ATE1: variants seen among roughly 807,000 people sequenced by gnomAD.
ATE1 encodes arginyl-tRNA--protein transferase 1.
In ATE1, 36 loss-of-function variants were observed where a neutral mutation model predicts 70.5. The observed-to-expected ratio is 0.51, with a 90% CI of 0.39 to 0.67. The LOEUF (loss-of-function observed/expected upper bound fraction) is 0.67. Among genes scored for constraint, ATE1 ranks in the 30% least tolerant of loss-of-function variants. ATE1 has a pLI of 0.00. For synonymous variants in ATE1, 232 were observed against 219.3 expected (o/e 1.06, Z -0.51); for missense variants, 593 against 629.5 (o/e 0.94, Z 0.62).
chr10:121,885,956 T>C (rs2134154504), intron 7 of ATE1, among the ~76,000 whole-genome samples: 1 of 152,150 alleles, frequency 6.6e-6, no homozygotes, highest in East Asian at 1.9e-4. Context: ...GTTCGGATCT[T>C]ACTATCATTC....
rs554736028 is a variant in ATE1, at chr10:121,913,984, C to T, written c.234-91G>A. On this transcript the variant is annotated intron_variant, in intron 3 of 11. Transcript: ENST00000224652. ...ATATCACCTAGTACAATGAGACCAT[C>T]TCATGCCTGAGATTTCTGGTTAAAG... 6 of 916,066 alleles carry T rather than the reference C, an allele frequency of 6.5e-6. No homozygotes were observed. The South Asian group carries it at 1.1e-4, about 17-fold the overall frequency. 56.7% of individuals were successfully genotyped at this position (916,066 alleles called of 1,614,324 possible).
intron 10 of ATE1, among the ~76,000 whole-genome samples, chr10:121,808,254 T>C (rs996591799): frequency 6.6e-6 from 1 of 152,238 alleles, no homozygotes; most frequent in Non-Finnish European, 1.5e-5. Context: ...GGGTTTGATC[T>C]GTGACAAAGA....
intron 11 of ATE1, among the ~76,000 whole-genome samples, chr10:121,767,696 T>G (rs1304755330): frequency 6.6e-6 from 1 of 152,100 alleles, no homozygotes; most frequent in Non-Finnish European, 1.5e-5. Context: ...TTTAGGGAAA[T>G]GTACATCAAA....
intron 5 of ATE1, among the ~76,000 whole-genome samples, chr10:121,906,223 A>C (rs1221592858): frequency 3.3e-5 from 5 of 151,952 alleles, no homozygotes; most frequent in African/African-American, 1.2e-4. Context: ...GCAAGACCTC[A>C]TCTCTACAAA....
chr10:121,858,893 C>T (rs11200196), intron 8 of ATE1, among the ~76,000 whole-genome samples: 47,002 of 151,294 alleles, frequency 0.31, 7,616 homozygotes, highest in South Asian at 0.43. Flanking sequence ...GTCGGGAGTT[C>T]GAGACCAGCC....
intron 10 of ATE1, among the ~76,000 whole-genome samples, chr10:121,828,191 A>AAGAGTTT (rs1948100475): frequency 6.6e-6 from 1 of 152,232 alleles, no homozygotes; most frequent in Non-Finnish European, 1.5e-5. Context: ...CTCTTACATT[A>AAGAGTTT]CACCATCAGA....
intron 3 of ATE1, among the ~76,000 whole-genome samples, chr10:121,914,810 A>G (rs997147121): frequency 2.6e-5 from 4 of 152,220 alleles, no homozygotes; most frequent in African/African-American, 9.6e-5. Context: ...AACGGCTTAA[A>G]TAAAAGTGTA....
intron 11 of ATE1, among the ~76,000 whole-genome samples, chr10:121,757,144 CT>C (rs1944840022): frequency 6.6e-6 from 1 of 152,210 alleles, no homozygotes; most frequent in Non-Finnish European, 1.5e-5. Context: ...TTCCACAAAT[CT>C]CTAGGGCAGG....
At chr10:121,787,873 A>G (rs1946276257) in intron 11 of ATE1, among the ~76,000 whole-genome samples, 1 of 152,210 alleles carries the variant, frequency 6.6e-6, no homozygotes, top group Admixed American at 6.5e-5. Flanking sequence ...CACCTTCTCA[A>G]CTTTATAAAA....
chr10:121,779,132 C>T (rs1001867388), intron 11 of ATE1, among the ~76,000 whole-genome samples: 1 of 152,146 alleles, frequency 6.6e-6, no homozygotes, highest in African/African-American at 2.4e-5. Flanking sequence ...ATTCTTTGAC[C>T]TTTCTATGTC....
chr10:121,887,057 T>C (rs1447248938), intron 7 of ATE1, among the ~76,000 whole-genome samples: 1 of 152,234 alleles, frequency 6.6e-6, no homozygotes, highest in Admixed American at 6.5e-5. Context: ...ATCCTTTTAA[T>C]GCCTCAATGA....
intron 10 of ATE1, among the ~76,000 whole-genome samples, chr10:121,823,518 C>T (rs1341702647): frequency 1.3e-5 from 2 of 152,176 alleles, no homozygotes. Context: ...CAAGACAACA[C>T]ACAGAGCTTG....
intron 11 of ATE1, among the ~76,000 whole-genome samples, chr10:121,746,633 G>A (rs1944383451): frequency 6.6e-6 from 1 of 151,954 alleles, no homozygotes; most frequent in Non-Finnish European, 1.5e-5. Context: ...CAAAGCCAAT[G>A]ATCAACTTTT....
intron 7 of ATE1, among the ~76,000 whole-genome samples, chr10:121,874,377 C>G (rs1949960895): frequency 6.6e-6 from 1 of 152,038 alleles, no homozygotes. Context: ...TAATTTGATT[C>G]CACAAAAGAA....
At chr10:121,775,115 T>C (rs1054853315) in intron 11 of ATE1, among the ~76,000 whole-genome samples, 14 of 152,276 alleles carry the variant, frequency 9.2e-5, no homozygotes, top group Admixed American at 7.9e-4. Context: ...CTAAAACAGA[T>C]AAACAATATT....
At chr10:121,889,276 A>G (rs759864129) in intron 7 of ATE1, among the ~76,000 whole-genome samples, 3 of 152,184 alleles carry the variant, frequency 2.0e-5, no homozygotes, top group Non-Finnish European at 4.4e-5. Context: ...ACACCTAAAA[A>G]CATTAAACTT....
intron 8 of ATE1, among the ~76,000 whole-genome samples, chr10:121,851,267 A>C (rs1208680351): frequency 2.0e-5 from 3 of 151,942 alleles, no homozygotes; most frequent in African/African-American, 7.2e-5. Flanking sequence ...AAAAATACAA[A>C]ATAGTAGCCA....
chr10:121,924,426 C>A, intron 1 of ATE1, 97 bp from the exon 2 acceptor site: 1 of 1,162,712 alleles, frequency 8.6e-7, no homozygotes, highest in East Asian at 2.5e-5. Flanking sequence ...TGTGTCCGGG[C>A]ACGGTGGCTC....
chr10:121,919,485 C>T lies in ATE1; in HGVS notation c.233+2864G>A, dbSNP rs568735030. Among the ~76,000 whole-genome samples the T allele has an allele frequency of 6.6e-5, 10 of 152,028 alleles. No individual in the cohort carries two copies. The South Asian group carries it at 1.2e-3, about 19-fold the overall frequency. The stretch of plus-strand genomic sequence containing the variant: ...CTGAGGCAGGAGAATCGCTTGAACA[C>T]GGGAGGCAGAGGTTGCAGTGAGCCG... On this transcript the variant is annotated intron_variant, in intron 3 of 11. Transcript: ENST00000224652.
Sources: gnomAD v4.1 joint callset for allele counts (sites outside exome capture counted in the v4.1 genomes callset) on GRCh38, gnomAD v4.1.1 for gene constraint, MANE v1.5 for transcripts, NCBI Gene and HGNC (gene_info 2026-07-23, HGNC 2026-07-21) for gene names.